Variants in FLNB observed in about 807,000 individuals in gnomAD.
FLNB encodes filamin B.
FLNB carries 111 observed loss-of-function variants against 250.6 expected under a neutral mutation model. That is an observed-to-expected ratio of 0.44 (90% CI 0.38 to 0.52). The LOEUF (loss-of-function observed/expected upper bound fraction) is 0.52. FLNB is among the 20% of genes least tolerant of loss of function. The probability of loss-of-function intolerance (pLI) is 0.00; values close to 1 mark genes in which losing one functional copy is unlikely to be tolerated. For missense variants in FLNB, 2,869 were observed against 3,447.8 expected (o/e 0.83, Z 4.20); for synonymous variants, 1,302 against 1,372.1 (o/e 0.95, Z 1.13).
At chr3:58,165,792 A>T (rs34366007) in intron 43 of FLNB, 1 of 152,022 alleles carries the variant, frequency 6.6e-6, no homozygotes, top group African/African-American at 2.4e-5. Flanking sequence ...GTATACCAGA[A>T]GGGCCTCCTT....
intron 18 of FLNB, among the ~76,000 whole-genome samples, chr3:58,113,092 A>T (rs912847376): frequency 6.6e-5 from 10 of 152,248 alleles, no homozygotes; most frequent in African/African-American, 2.2e-4. Context: ...TGTATAGTTC[A>T]TTAGTGTTAA....
chr3:58,163,294 T>A lies in FLNB; in HGVS notation c.7162T>A (p.Ser2388Thr), dbSNP rs1172338396. 2 of 1,614,094 alleles carry A rather than the reference T, an allele frequency of 1.2e-6. No homozygotes were observed. The highest frequency in any genetic ancestry group is 1.3e-5 in the African/African-American group (1 of 74,938). ...PGQAGNPALV[S>T]AYGTGLEGGT... ...ACAAGCGGGGAACCCTGCCCTGGTG[T>A]CCGCCTATGGCACGGGACTCGAAGG... Residue 2388 changes from serine (S) to threonine (T), a missense_variant, in exon 43 of 46, where the codon TCC (serine) becomes ACC (threonine). Physicochemically the swap from Ser to Thr is moderately conservative, Grantham distance 58. This residue lies in a region of FLNB where 1,084 missense variants were observed against 1,315.5 expected (regional missense o/e 0.82). Transcript: ENST00000295956.
chr3:58,107,758 C>T (rs1012721953), intron 12 of FLNB, among the ~76,000 whole-genome samples: 1 of 152,244 alleles, frequency 6.6e-6, no homozygotes, highest in Admixed American at 6.5e-5. Context: ...GCCCCAGAGG[C>T]CACGTGTGCT....
chr3:58,094,366 C>T (rs2097234051), intron 4 of FLNB, among the ~76,000 whole-genome samples: 1 of 152,214 alleles, frequency 6.6e-6, no homozygotes, highest in Non-Finnish European at 1.5e-5. Flanking sequence ...CCGCTCCCAG[C>T]AAGGGCATTG....
At chr3:58,163,826 T>A (rs2097365930) in intron 43 of FLNB, 1 of 160,372 alleles carries the variant, frequency 6.2e-6, no homozygotes, top group Admixed American at 6.0e-5. Flanking sequence ...GAGAAAAGAC[T>A]GAAATGTTCA....
intron 8 of FLNB, among the ~76,000 whole-genome samples, chr3:58,100,373 A>AAAAAAAAATATATGTATATAT: frequency 9.6e-6 from 1 of 104,346 alleles, no homozygotes; most frequent in Non-Finnish European, 1.8e-5. Context: ...GTAAAAAAAA[A>AAAAAAAAATATATGTATATAT]ATATATATAT....
chr3:58,084,655 G>A (rs566949539), intron 4 of FLNB, among the ~76,000 whole-genome samples: 114 of 152,186 alleles, frequency 7.5e-4, no homozygotes, highest in Non-Finnish European at 1.4e-3. Context: ...TTTTAAGTGT[G>A]GCATTAAGTG....
At chr3:58,074,172 A>G (rs1024778953) in intron 1 of FLNB, among the ~76,000 whole-genome samples, 4 of 152,246 alleles carry the variant, frequency 2.6e-5, no homozygotes, top group Non-Finnish European at 5.9e-5. Flanking sequence ...GACCCAGACC[A>G]AGAACATCAG....
Position 58,125,668 on chromosome 3 carries a change from C to G in FLNB, c.3986C>G (p.Ser1329Cys), listed in dbSNP as rs2097296517. ...GCTGTCACTGAAGGCTGCCAGCCAT[C>G]TAGGGTGCAAGCCCAAGGACCTGGA... ...KVAVTEGCQPSRVQAQGPGLK... is the reference protein window; with the variant it reads ...KVAVTEGCQPCRVQAQGPGLK... Residue 1329 changes from serine (S) to cysteine (C), a missense_variant, in exon 23 of 46, where the codon TCT (serine) becomes TGT (cysteine). Around this residue, in one of 5 missense-constraint regions of FLNB, gnomAD observed 1,348 missense variants for 1,466.7 expected, o/e 0.92. Transcript: ENST00000295956. 1.2e-6 allele frequency: 2 copies of G among 1,614,064 alleles called. No homozygotes were observed. The highest frequency in any genetic ancestry group is 1.7e-6 in the Non-Finnish European group (2 of 1,180,052).
intron 29 of FLNB, among the ~76,000 whole-genome samples, chr3:58,140,143 G>A (rs184730953): frequency 1.6e-4 from 25 of 152,288 alleles, no homozygotes; most frequent in African/African-American, 6.0e-4. Context: ...ATTGGCTTTG[G>A]TTGGGTAGAT....
rs2097093883 is a variant in FLNB at position 58,008,698 on chromosome 3, G to A, written c.134G>A (p.Ser45Asn). 1.2e-6 allele frequency: 2 copies of A among 1,614,184 alleles called. No individual in the cohort carries two copies. Among genetic ancestry groups the A allele is most frequent in the Non-Finnish European group, 1.7e-6 (2 of 1,180,036 alleles). Reference protein sequence around the residue: ...KRIGNLQTDLSDGLRLIALLE... With the variant: ...KRIGNLQTDLNDGLRLIALLE... ...ATCGGCAACCTGCAGACCGACCTGA[G>A]CGACGGGCTGCGGCTCATCGCGCTG... is the stretch of plus-strand genomic sequence containing the variant. Residue 45 changes from serine to asparagine, a missense_variant, in exon 1 of 46, where the codon AGC becomes AAC. Physicochemically the swap from Ser to Asn is conservative, Grantham distance 46. Coordinates refer to ENST00000295956, the MANE Select transcript of FLNB (RefSeq NM_001457.4).
intron 45 of FLNB, 200 bp from the exon 46 acceptor site, chr3:58,170,375 C>T: frequency 1.7e-6 from 1 of 605,342 alleles, no homozygotes; most frequent in Non-Finnish European, 3.0e-6. Context: ...CAAGGTCACC[C>T]AGGTAGCAAG....
chr3:58,052,900 T>C (rs1388723495), intron 1 of FLNB, among the ~76,000 whole-genome samples: 1 of 152,254 alleles, frequency 6.6e-6, no homozygotes, highest in Non-Finnish European at 1.5e-5. Flanking sequence ...CTTCTGCCTG[T>C]GCCAAGTCTA....
intron 20 of FLNB, 46 bp from the exon 21 acceptor site, chr3:58,123,047 G>T: frequency 6.5e-7 from 1 of 1,538,714 alleles, no homozygotes; most frequent in South Asian, 1.1e-5. Flanking sequence ...AGTGCTGGCT[G>T]AGCAGCGATC....
intron 32 of FLNB, 145 bp downstream of exon 32, chr3:58,143,758 G>A: frequency 1.0e-6 from 1 of 971,608 alleles, no homozygotes; most frequent in Non-Finnish European, 1.6e-6. Flanking sequence ...AAACCAAACA[G>A]TCTGGGACCC....
In FLNB at chr3:58,116,290, C is replaced by T. The variant is rs141515191; in HGVS notation, c.2746-2582C>T. ...CGGGGGAGGGAGCATACTTTGAGGG[C>T]TGACACCCACAGGCACACCTTCTCA... On this transcript the variant is annotated intron_variant, in intron 18 of 45. Coordinates refer to ENST00000295956, the MANE Select transcript of FLNB (RefSeq NM_001457.4). Among the ~76,000 whole-genome samples the T allele has an allele frequency of 5.6e-3, 847 of 152,328 alleles. 10 individuals carry two copies. The highest frequency in any genetic ancestry group is 0.019 in the African/African-American group (797 of 41,594).
intron 19 of FLNB, among the ~76,000 whole-genome samples, chr3:58,120,757 T>C (rs2097287498): frequency 6.6e-6 from 1 of 152,154 alleles, no homozygotes; most frequent in African/African-American, 2.4e-5. Context: ...AGTAAGTAAA[T>C]AAGAGACGAC....
In FLNB at chr3:58,172,189, G is replaced by A. The variant is rs886058774; in HGVS notation, c.*1427G>A. On this transcript the variant is annotated 3_prime_UTR_variant, in exon 46 of 46. Coordinates refer to ENST00000295956, the MANE Select transcript of FLNB (RefSeq NM_001457.4). ...AAGCTGGGACACGGAAGCCAAACTG[G>A]AATCAAACGCCGACTGTAAATTGTA... The A allele has an allele frequency of 6.6e-6, 1 of 152,578 alleles. No individual in the cohort carries two copies. The highest frequency in any genetic ancestry group is 1.5e-5 in the Non-Finnish European group (1 of 68,032). The allele number at this position is 152,578 out of a possible 1,614,324, so 9.5% of individuals were successfully genotyped here.
chr3:58,070,528 C>T (rs1195352174), intron 1 of FLNB, among the ~76,000 whole-genome samples: 1 of 152,128 alleles, frequency 6.6e-6, no homozygotes, highest in Admixed American at 6.5e-5. Flanking sequence ...TGTAGCCTCT[C>T]CGGGTGGTAG....
Sources: allele counts gnomAD v4.1 joint callset (sites outside exome capture counted in the v4.1 genomes callset), GRCh38; gene constraint gnomAD v4.1.1; regional missense constraint gnomAD v4.1.1; transcripts MANE v1.5; gene names NCBI Gene and HGNC (gene_info 2026-07-23, HGNC 2026-07-21).